Variants in MYH14 observed in about 807,000 individuals in gnomAD.
The protein encoded by MYH14 is myosin-14.
In MYH14, 123 loss-of-function variants were observed where a neutral mutation model predicts 255.5. The ratio of observed to expected loss-of-function variants is 0.48; its 90% confidence interval spans 0.42 to 0.56. The LOEUF is 0.56. Ranked by LOEUF, MYH14 falls within the 20% of genes least tolerant of loss-of-function variation. The pLI, the probability that MYH14 is intolerant of heterozygous loss-of-function variation, is 0.00. For synonymous variants in MYH14, 1,095 were observed against 1,161.2 expected (o/e 0.94, Z 1.16); for missense variants, 2,423 against 2,802.3 (o/e 0.86, Z 3.06).
In MYH14 at chr19:50,210,746, G is replaced by C. The variant is rs1037899945; in HGVS notation, c.381G>C (p.Glu127Asp). 5.7e-6 allele frequency: 9 copies of C among 1,580,894 alleles called. No individual in the cohort carries two copies. The highest frequency in any genetic ancestry group is 3.3e-4 in the Middle Eastern group (2 of 6,028). ...NEASVLHNLR[E>D]RYYSGLIYTY... The stretch of plus-strand genomic sequence containing the variant: ...CCTCGGTCCTGCACAACCTCCGGGA[G>C]CGGTACTACTCCGGCCTCATCTACG... Residue 127 changes from glutamate to aspartate, a missense_variant, in exon 2 of 43, where the codon GAG becomes GAC. Glu to Asp is a conservative substitution (Grantham distance 45, BLOSUM62 2). This residue lies in a region of MYH14 where 238 missense variants were observed against 245.8 expected (regional missense o/e 0.97). Transcript: ENST00000642316.
intron 24 of MYH14, among the ~76,000 whole-genome samples, chr19:50,270,884 T>C (rs55893285): frequency 0.29 from 43,331 of 151,746 alleles, 6,953 homozygotes; most frequent in East Asian, 0.57. Context: ...TTAGTAGAGA[T>C]GGGGTTTCAC....
chr19:50,262,282 G>A (rs902875863), intron 21 of MYH14, among the ~76,000 whole-genome samples: 1 of 152,200 alleles, frequency 6.6e-6, no homozygotes, highest in Non-Finnish European at 1.5e-5. Context: ...GAGAGGCCGG[G>A]CACGGTGGCT....
chr19:50,289,858 C>T (rs1163144500), intron 35 of MYH14, among the ~76,000 whole-genome samples: 1 of 152,076 alleles, frequency 6.6e-6, no homozygotes, highest in Admixed American at 6.6e-5. Context: ...CTGCCTGCCA[C>T]TCAGTATTTC....
At chr19:50,298,401 T>TACAC (rs72014853) in intron 39 of MYH14, among the ~76,000 whole-genome samples, 119 of 149,276 alleles carry the variant, frequency 8.0e-4, no homozygotes, top group South Asian at 5.2e-3. Flanking sequence ...CACACACACA[T>TACAC]ACACACACAC....
Position 50,230,435 on chromosome 19 carries a change from G to T in MYH14, c.875-90G>T. 3 of 1,142,232 alleles carry T rather than the reference G, an allele frequency of 2.6e-6. No individual in the cohort carries two copies. The highest frequency in any genetic ancestry group is 3.9e-6 in the Non-Finnish European group (3 of 777,788). 70.8% of individuals were successfully genotyped at this position (1,142,232 alleles called of 1,614,324 possible). On this transcript the variant is annotated intron_variant, in intron 8 of 42. Transcript: ENST00000642316. The surrounding 1 kb of genome is among the most constrained non-coding windows in gnomAD (Gnocchi z 4.7). The stretch of plus-strand genomic sequence containing the variant: ...ACTCCACTACACCACAGGAGAGAAG[G>T]GGGCAGCGTGGGCAGGGCAGGCTCC...
At chr19:50,234,037 C>T (rs1370597091) in intron 10 of MYH14, among the ~76,000 whole-genome samples, 1 of 152,024 alleles carries the variant, frequency 6.6e-6, no homozygotes, top group African/African-American at 2.4e-5. Flanking sequence ...CCAGGCTGGT[C>T]TCGAACTGCT....
Position 50,266,462 on chromosome 19 carries a change from G to A in MYH14, c.2695-415G>A, listed in dbSNP as rs1442194894. On this transcript the variant is annotated intron_variant, in intron 22 of 42. Coordinates refer to ENST00000642316, the MANE Select transcript of MYH14 (RefSeq NM_001145809.2). This position sits in a 1 kb window ranked among gnomAD's most constrained non-coding sequence, Gnocchi z 4.1. ...TAATCCCAGCTACTCGGGAGGCTGAGGCAGGAGAATCGCTTGAACCTGGGA... is the reference window on the plus strand; with the variant it reads ...TAATCCCAGCTACTCGGGAGGCTGAAGCAGGAGAATCGCTTGAACCTGGGA... 1.3e-5 allele frequency among the ~76,000 whole-genome samples: 2 copies of A among 152,176 alleles called. No homozygotes were observed. The highest frequency in any genetic ancestry group is 2.9e-5 in the Non-Finnish European group (2 of 68,022).
chr19:50,307,083 G>A lies in MYH14; in HGVS notation c.5713G>A (p.Ala1905Thr), dbSNP rs2036677860. ...CCTCTCTGGAAAGCTGGTGCGCAGAGCTGAGAAGCGGCTTAAAGAGGTGGT... is the reference window on the plus strand; with the variant it reads ...CCTCTCTGGAAAGCTGGTGCGCAGAACTGAGAAGCGGCTTAAAGAGGTGGT... ...RILSGKLVRR[A>T]EKRLKEVVLQ... The change falls in exon 41 of 43, where the codon GCT becomes ACT. Residue 1905 changes from alanine (A) to threonine (T), a missense_variant. By Grantham distance (58) the Ala-to-Thr change is moderately conservative. This residue lies in a region of MYH14 where 1,513 missense variants were observed against 1,674.8 expected (regional missense o/e 0.90). Coordinates refer to ENST00000642316, the MANE Select transcript of MYH14 (RefSeq NM_001145809.2). The A allele has an allele frequency of 2.6e-6, 4 of 1,551,190 alleles. No homozygotes were observed. The highest frequency in any genetic ancestry group is 1.4e-5 in the African/African-American group (1 of 73,178).
At chr19:50,261,065 TCCC>T (rs199652485) in intron 20 of MYH14, among the ~76,000 whole-genome samples, 16,830 of 72,120 alleles carry the variant, frequency 0.23, 2,383 homozygotes, top group East Asian at 0.54. Context: ...CCATCACCAC[TCCC>T]CCATCGCCCC....
chr19:50,272,036 C>T, intron 26 of MYH14, 64 bp downstream of exon 26: 2 of 1,569,122 alleles, frequency 1.3e-6, no homozygotes, highest in Non-Finnish European at 8.6e-7. Flanking sequence ...AGGCAAGCCC[C>T]ATGTGCTACA....
At chr19:50,264,670 C>G (rs566670499) in intron 22 of MYH14, among the ~76,000 whole-genome samples, 1 of 152,298 alleles carries the variant, frequency 6.6e-6, no homozygotes, top group Admixed American at 6.5e-5. Flanking sequence ...GGGCCACCAG[C>G]AGATGGAGTC....
In MYH14 at chr19:50,221,831, A is replaced by G. The variant is rs1246332679; in HGVS notation, c.563-1252A>G. ...CTCGCCATCTCTGCCCTATCCCCCA[A>G]CCTCACTGGCCTTTCTGTCTCTCAA... is the stretch of plus-strand genomic sequence containing the variant. On this transcript the variant is annotated intron_variant, in intron 3 of 42. Transcript: ENST00000642316. The surrounding 1 kb of genome is among the most constrained non-coding windows in gnomAD (Gnocchi z 5.3). 6.6e-6 allele frequency among the ~76,000 whole-genome samples: 1 copy of G among 151,768 alleles called. No individual in the cohort carries two copies. The highest frequency in any genetic ancestry group is 1.5e-5 in the Non-Finnish European group (1 of 67,938).
At position 50,286,602 on chromosome 19, in the gene MYH14, C is replaced by A. The variant is rs750816569; in HGVS notation, c.4660C>A (p.Gln1554Lys). The change falls in exon 34 of 43, where the codon CAG (glutamine) becomes AAG (lysine). Residue 1554 changes from glutamine (Q) to lysine (K), a missense_variant. By Grantham distance (53) the Gln-to-Lys change is moderately conservative. Transcript: ENST00000642316. ...ACTGACACGGGCACTGGAGGAGGAG[C>A]AGGAGGCACGTGAGGAGCTGGAGCG... ...LSLTRALEEE[Q>K]EAREELERQN... is the part of the protein sequence containing the mutation. 9 of 1,605,132 alleles carry A rather than the reference C, an allele frequency of 5.6e-6. No homozygotes were observed. The highest frequency in any genetic ancestry group is 7.7e-6 in the Non-Finnish European group (9 of 1,176,200).
intron 19 of MYH14, 39 bp downstream of exon 19, chr19:50,259,304 G>A: frequency 6.4e-7 from 1 of 1,550,402 alleles, no homozygotes; most frequent in African/African-American, 1.4e-5. Flanking sequence ...CGGAGGGGCT[G>A]GGTGGGACCC....
In MYH14 at chr19:50,291,057, C is replaced by T. The variant is rs201840080; in HGVS notation, c.5127+9C>T. On this transcript the variant is annotated intron_variant, in intron 36 of 42. Coordinates refer to ENST00000642316, the MANE Select transcript of MYH14 (RefSeq NM_001145809.2). ...AGCTTCGCAAGATGCAGGTAAGAGC[C>T]GGCGTGAGCTGCAGGGAGGGGAGGC... 1.7e-5 allele frequency: 28 copies of T among 1,611,806 alleles called. No individual in the cohort carries two copies. The highest frequency in any genetic ancestry group is 6.7e-5 in the African/African-American group (5 of 75,002).
Position 50,249,742 on chromosome 19 carries a change from G to C in MYH14, c.1575G>C (p.Glu525Asp), listed in dbSNP as rs2034290512. The C allele has an allele frequency of 6.2e-7, 1 of 1,614,210 alleles. No individual in the cohort carries two copies. Among genetic ancestry groups the C allele is most frequent in the African/African-American group, 1.3e-5 (1 of 75,054 alleles). ...NHTMFVLEQEEYQREGIPWTF... is the reference protein window; with the variant it reads ...NHTMFVLEQEDYQREGIPWTF... ...CCATGTTCGTGCTGGAGCAGGAGGA[G>C]TACCAGCGTGAGGGCATCCCCTGGA... The change falls in exon 14 of 43, where the codon GAG becomes GAC. Residue 525 changes from glutamate (E) to aspartate (D), a missense_variant. Physicochemically the swap from Glu to Asp is conservative, Grantham distance 45. This residue lies in a region of MYH14 where 672 missense variants were observed against 881.8 expected (regional missense o/e 0.76). Coordinates refer to ENST00000642316, the MANE Select transcript of MYH14 (RefSeq NM_001145809.2).
At chr19:50,206,114 G>A (rs1383200281) in intron 1 of MYH14, among the ~76,000 whole-genome samples, 1 of 152,018 alleles carries the variant, frequency 6.6e-6, no homozygotes, top group Non-Finnish European at 1.5e-5. Context: ...GGCCCTGCCC[G>A]CCCCATCAGG....
intron 10 of MYH14, 132 bp from the exon 11 acceptor site, chr19:50,244,110 A>T (rs1437360106): frequency 1.6e-5 from 12 of 732,632 alleles, no homozygotes; most frequent in Non-Finnish European, 2.8e-5. Context: ...CGCCCATCCC[A>T]CAAGTAGATT....
rs755163867 is a variant in MYH14, at chr19:50,257,282, G to C, written c.2045-17G>C. 25 of 1,582,972 alleles carry C rather than the reference G, an allele frequency of 1.6e-5. No homozygotes were observed. In the South Asian group the frequency reaches 2.8e-4, roughly 18 times the overall value. On this transcript the variant is annotated splice_polypyrimidine_tract_variant and intron_variant, in intron 17 of 42. Coordinates refer to ENST00000642316, the MANE Select transcript of MYH14 (RefSeq NM_001145809.2). ...CCCTGACCTCCTTCTCTCTCTCTCT[G>C]CATCTCCATCTGACAGTGGAGGGCA...
Sources: gnomAD v4.1 joint callset for allele counts (sites outside exome capture counted in the v4.1 genomes callset) on GRCh38, gnomAD v4.1.1 for gene constraint, gnomAD v4.1.1 regional missense constraint, Gnocchi (gnomAD v3.1) non-coding constraint, MANE v1.5 for transcripts, NCBI Gene and HGNC (gene_info 2026-07-23, HGNC 2026-07-21) for gene names.